Variants in WDR70 observed in about 807,000 individuals in gnomAD.
The protein encoded by WDR70 is WD repeat-containing protein 70.
In WDR70, 53 loss-of-function variants were observed where a neutral mutation model predicts 88.6. The observed-to-expected ratio is 0.60, with a 90% CI of 0.48 to 0.75. The LOEUF (loss-of-function observed/expected upper bound fraction) is 0.75. Among genes scored for constraint, WDR70 ranks in the 30% least tolerant of loss-of-function variants. WDR70 has a pLI of 0.00. For synonymous variants in WDR70, 280 were observed against 270.0 expected (o/e 1.04, Z -0.36); for missense variants, 610 against 823.2 (o/e 0.74, Z 3.17).
chr5:37,568,385 T>G (rs188102899), intron 9 of WDR70, among the ~76,000 whole-genome samples: 1 of 152,336 alleles, frequency 6.6e-6, no homozygotes, highest in East Asian at 1.9e-4. Context: ...CCCCTGTTTA[T>G]TTTAATTGAA....
chr5:37,676,047 G>C (rs1177399556), intron 10 of WDR70, among the ~76,000 whole-genome samples: 2 of 146,056 alleles, frequency 1.4e-5, no homozygotes, highest in Non-Finnish European at 3.0e-5. Flanking sequence ...TCTGTTATTG[G>C]TGTATAAGAA....
chr5:37,499,589 C>T (rs938797), intron 8 of WDR70, among the ~76,000 whole-genome samples: 4,182 of 15,834 alleles, frequency 0.26, 285 homozygotes, highest in Middle Eastern at 0.5. Context: ...TGGAAATATT[C>T]TCTCTCTCTC....
chr5:37,449,863 AC>A (rs1265678057), intron 7 of WDR70, among the ~76,000 whole-genome samples: 1 of 152,090 alleles, frequency 6.6e-6, no homozygotes, highest in Non-Finnish European at 1.5e-5. Flanking sequence ...CGCATCATCT[AC>A]ATAGCTATTT....
chr5:37,555,495 T>C lies in WDR70; in HGVS notation c.917+38905T>C, dbSNP rs116993608. The stretch of plus-strand genomic sequence containing the variant: ...AACATTGCAGAAATCTTGGGCAGTT[T>C]AGTGAGGCAAGATCTCACCCCTGAT... On this transcript the variant is annotated intron_variant, in intron 9 of 17. Transcript: ENST00000265107. Among the ~76,000 whole-genome samples the C allele has an allele frequency of 2.5e-4, 38 of 152,328 alleles. No homozygotes were observed. In the East Asian group the frequency reaches 6.2e-3, roughly 25 times the overall value.
intron 9 of WDR70, among the ~76,000 whole-genome samples, chr5:37,580,300 C>A (rs965356128): frequency 6.6e-6 from 1 of 152,198 alleles, no homozygotes; most frequent in Non-Finnish European, 1.5e-5. Flanking sequence ...CTTTGGCCAA[C>A]AGCTCAACCC....
At chr5:37,652,422 G>A (rs1308214893) in intron 10 of WDR70, among the ~76,000 whole-genome samples, 1 of 152,180 alleles carries the variant, frequency 6.6e-6, no homozygotes, top group Non-Finnish European at 1.5e-5. Context: ...GGCTATGTGG[G>A]CTCTTTTTTT....
At chr5:37,396,839 C>CA (rs1371585749) in intron 5 of WDR70, among the ~76,000 whole-genome samples, 1 of 151,950 alleles carries the variant, frequency 6.6e-6, no homozygotes, top group African/African-American at 2.4e-5. Context: ...AAAAAACAAA[C>CA]AAAAAACCAA....
intron 7 of WDR70, among the ~76,000 whole-genome samples, chr5:37,470,605 T>C (rs1421449302): frequency 6.6e-6 from 1 of 152,200 alleles, no homozygotes; most frequent in Non-Finnish European, 1.5e-5. Context: ...GTCTGGCTTC[T>C]TTCACTTGAT....
chr5:37,484,687 T>C (rs1041347656), intron 8 of WDR70, among the ~76,000 whole-genome samples: 2 of 152,240 alleles, frequency 1.3e-5, no homozygotes, highest in African/African-American at 2.4e-5. Flanking sequence ...TCAATAATTA[T>C]ATAAAACTTA....
intron 7 of WDR70, among the ~76,000 whole-genome samples, chr5:37,475,737 A>G (rs1270858058): frequency 6.6e-6 from 1 of 151,920 alleles, no homozygotes; most frequent in Non-Finnish European, 1.5e-5. Context: ...AGTTAGTTAT[A>G]TTTAATTACT....
chr5:37,512,998 G>A (rs1292275106), intron 8 of WDR70, among the ~76,000 whole-genome samples: 1 of 152,146 alleles, frequency 6.6e-6, no homozygotes, highest in African/African-American at 2.4e-5. Context: ...CACTTACAGG[G>A]TAGATAGTTA....
At chr5:37,554,493 A>T (rs1742239421) in intron 9 of WDR70, among the ~76,000 whole-genome samples, 1 of 152,200 alleles carries the variant, frequency 6.6e-6, no homozygotes, top group African/African-American at 2.4e-5. Context: ...CCAGGAAAGT[A>T]GCTAAATGAA....
intron 10 of WDR70, among the ~76,000 whole-genome samples, chr5:37,671,068 T>A (rs1746010883): frequency 6.6e-6 from 1 of 152,228 alleles, no homozygotes. Flanking sequence ...CTTTAAATCC[T>A]GGTATAGTAA....
Position 37,499,118 on chromosome 5 carries a change from C to T in WDR70, c.841-17396C>T, listed in dbSNP as rs926200026. On this transcript the variant is annotated intron_variant, in intron 8 of 17. Coordinates refer to ENST00000265107, the MANE Select transcript of WDR70 (RefSeq NM_018034.4). ...TGAGCATCTTTTCATGTTTGTCATTCTTTTTTTTTTTTTGAGATGAAGTCT... is the reference window on the plus strand; with the variant it reads ...TGAGCATCTTTTCATGTTTGTCATTTTTTTTTTTTTTTTGAGATGAAGTCT... 9.7e-3 allele frequency among the ~76,000 whole-genome samples: 1,407 copies of T among 144,662 alleles called. 12 individuals are homozygous for T. The highest frequency in any genetic ancestry group is 0.015 in the Non-Finnish European group (985 of 65,618). 94.9% of individuals were successfully genotyped at this position (144,662 alleles called of 152,430 possible). A position where few individuals can be genotyped will look rare whatever the true frequency, so the allele number is the denominator to read the frequency against.
At chr5:37,423,562 G>GTTTTTTTTT (rs1750018083) in intron 5 of WDR70, among the ~76,000 whole-genome samples, 1 of 126,492 alleles carries the variant, frequency 7.9e-6, no homozygotes. Flanking sequence ...GTTTTTTTTT[G>GTTTTTTTTT]TCTTTTTTTT....
intron 10 of WDR70, among the ~76,000 whole-genome samples, chr5:37,677,025 G>A (rs1746247244): frequency 6.6e-6 from 1 of 152,296 alleles, no homozygotes; most frequent in Admixed American, 6.5e-5. Flanking sequence ...TTTGCATAGA[G>A]GTGTTTGTAG....
At position 37,676,546 on chromosome 5, in the gene WDR70, G is replaced by A. The variant is rs528513897; in HGVS notation, c.1093-21109G>A. ...TATGCTGGATTACATTTATTGATTT[G>A]CGTATATTGAACCAGCCTTGCATCC... On this transcript the variant is annotated intron_variant, in intron 10 of 17. Coordinates refer to ENST00000265107, the MANE Select transcript of WDR70 (RefSeq NM_018034.4). Among the ~76,000 whole-genome samples, 3 of 151,966 alleles carry A rather than the reference G, an allele frequency of 2.0e-5. No homozygotes were observed. The South Asian group carries it at 6.2e-4, about 32-fold the overall frequency.
chr5:37,686,022 G>A (rs1354386836), intron 10 of WDR70, among the ~76,000 whole-genome samples: 1 of 152,198 alleles, frequency 6.6e-6, no homozygotes. Flanking sequence ...CCACCCGGCT[G>A]CATGTAGTCA....
chr5:37,701,652 G>A (rs1210416460), intron 12 of WDR70, among the ~76,000 whole-genome samples: 3 of 151,978 alleles, frequency 2.0e-5, no homozygotes, highest in Admixed American at 1.3e-4. Context: ...TAGCCGTGGT[G>A]GCGGGTGCCT....
Sources: allele counts gnomAD v4.1 joint callset (sites outside exome capture counted in the v4.1 genomes callset), GRCh38; gene constraint gnomAD v4.1.1; transcripts MANE v1.5; gene names NCBI Gene and HGNC (gene_info 2026-07-23, HGNC 2026-07-21).